The following CCSER1 variants were observed in gnomAD, a reference collection of about 807,000 sequenced individuals.
The protein encoded by CCSER1 is coiled-coil serine rich protein 1.
Under a neutral mutation model 82.0 loss-of-function variants are expected in CCSER1, and 41 were observed. The ratio of observed to expected loss-of-function variants is 0.50; its 90% confidence interval spans 0.39 to 0.65. The LOEUF (loss-of-function observed/expected upper bound fraction) is 0.65. Among genes scored for constraint, CCSER1 ranks in the 30% least tolerant of loss-of-function variants. The probability of loss-of-function intolerance (pLI) is 0.00; values close to 1 mark genes in which losing one functional copy is unlikely to be tolerated. For synonymous variants in CCSER1, 414 were observed against 383.9 expected (o/e 1.08, Z -0.92); for missense variants, 1,119 against 1,064.2 (o/e 1.05, Z -0.72).
At chr4:90,156,829 T>C (rs1728302570) in intron 1 of CCSER1, among the ~76,000 whole-genome samples, 1 of 152,202 alleles carries the variant, frequency 6.6e-6, no homozygotes, top group Non-Finnish European at 1.5e-5. Flanking sequence ...CTTTATCCAA[T>C]TTGCCAGTCT....
At chr4:90,249,272 T>C (rs927270868) in intron 1 of CCSER1, among the ~76,000 whole-genome samples, 3 of 152,174 alleles carry the variant, frequency 2.0e-5, no homozygotes, top group Admixed American at 2.0e-4. Flanking sequence ...AGATTACTAA[T>C]TTTGTCAATG....
intron 9 of CCSER1, among the ~76,000 whole-genome samples, chr4:91,055,210 C>T (rs1743338534): frequency 6.6e-6 from 1 of 151,978 alleles, no homozygotes; most frequent in South Asian, 2.1e-4. Context: ...GTATTTTAAA[C>T]TTATAAAACT....
intron 10 of CCSER1, among the ~76,000 whole-genome samples, chr4:91,383,451 C>A (rs188123625): frequency 1.8e-3 from 268 of 151,922 alleles, no homozygotes; most frequent in Non-Finnish European, 2.9e-3. Flanking sequence ...AAACAGTACT[C>A]CTTTAAAGCC....
intron 10 of CCSER1, among the ~76,000 whole-genome samples, chr4:91,131,568 A>G (rs1727997946): frequency 6.6e-6 from 1 of 152,096 alleles, no homozygotes. Flanking sequence ...GTGTAAAACT[A>G]ATTTCAGATA....
chr4:91,563,974 A>G (rs1286876335), intron 10 of CCSER1, among the ~76,000 whole-genome samples: 2 of 151,724 alleles, frequency 1.3e-5, no homozygotes, highest in Non-Finnish European at 2.9e-5. Context: ...TATAAATATA[A>G]TTTCATCACT....
chr4:90,266,326 A>G (rs532173433), intron 1 of CCSER1, among the ~76,000 whole-genome samples: 10 of 152,284 alleles, frequency 6.6e-5, no homozygotes, highest in African/African-American at 2.4e-4. Context: ...AAGAAAACTC[A>G]TGAAATGTTT....
chr4:91,082,202 G>T (rs967692778), intron 9 of CCSER1, among the ~76,000 whole-genome samples: 1 of 152,128 alleles, frequency 6.6e-6, no homozygotes, highest in Admixed American at 6.6e-5. Context: ...GCATGGTACT[G>T]GTACCAAAAC....
intron 10 of CCSER1, among the ~76,000 whole-genome samples, chr4:91,332,177 ATGT>A (rs1747004256): frequency 1.3e-5 from 2 of 152,038 alleles, no homozygotes; most frequent in South Asian, 2.1e-4. Context: ...TTCAGATTCA[ATGT>A]TGTTATTTTA....
chr4:91,069,504 C>G (rs905148689), intron 9 of CCSER1, among the ~76,000 whole-genome samples: 10 of 152,038 alleles, frequency 6.6e-5, no homozygotes, highest in Non-Finnish European at 1.3e-4. Flanking sequence ...AGTTTAGTAT[C>G]TACTAAGTGC....
chr4:90,175,195 AC>A (rs555903352), intron 1 of CCSER1, among the ~76,000 whole-genome samples: 118 of 152,120 alleles, frequency 7.8e-4, no homozygotes, highest in Non-Finnish European at 1.4e-3. Flanking sequence ...AGCCACTGAT[AC>A]AGGCTACAAC....
At chr4:90,389,384 A>G (rs1750604469) in intron 3 of CCSER1, among the ~76,000 whole-genome samples, 1 of 152,220 alleles carries the variant, frequency 6.6e-6, no homozygotes, top group African/African-American at 2.4e-5. Flanking sequence ...TCTGTATTAC[A>G]TATGAGTGCT....
chr4:90,387,268 C>A (rs1488639291), intron 3 of CCSER1, among the ~76,000 whole-genome samples: 2 of 151,880 alleles, frequency 1.3e-5, no homozygotes, highest in Non-Finnish European at 2.9e-5. Flanking sequence ...TCCTTACCTG[C>A]AGATATGGCT....
At chr4:91,424,150 G>A (rs1753838615) in intron 10 of CCSER1, among the ~76,000 whole-genome samples, 1 of 151,040 alleles carries the variant, frequency 6.6e-6, no homozygotes. Context: ...CCGAGTAGCT[G>A]GGACTACAGG....
intron 10 of CCSER1, among the ~76,000 whole-genome samples, chr4:91,134,889 A>G (rs2189188): frequency 0.74 from 111,770 of 151,762 alleles, 41,353 homozygotes; most frequent in Non-Finnish European, 0.78. Flanking sequence ...GTGAAACCCC[A>G]TCTCTACTAA....
chr4:90,616,317 A>G (rs561943245), intron 5 of CCSER1, among the ~76,000 whole-genome samples: 1 of 152,176 alleles, frequency 6.6e-6, no homozygotes, highest in African/African-American at 2.4e-5. Flanking sequence ...ACTTTTTTTT[A>G]ATAAAGTAGT....
intron 10 of CCSER1, among the ~76,000 whole-genome samples, chr4:91,363,371 G>T (rs1403180680): frequency 6.6e-6 from 1 of 151,162 alleles, no homozygotes; most frequent in African/African-American, 2.4e-5. Context: ...GTGTGTGTGT[G>T]TGTGTGTGTG....
chr4:91,417,665 G>C (rs1433989666), intron 10 of CCSER1, among the ~76,000 whole-genome samples: 1 of 151,720 alleles, frequency 6.6e-6, no homozygotes, highest in African/African-American at 2.4e-5. Context: ...TACATGTTTA[G>C]GAACAACACA....
At chr4:91,440,294 A>G (rs181051863) in intron 10 of CCSER1, among the ~76,000 whole-genome samples, 2,018 of 152,192 alleles carry the variant, frequency 0.013, 49 homozygotes, top group African/African-American at 0.046. Flanking sequence ...TCAAACTAGA[A>G]CTGAGGATTA....
At chr4:91,203,535 G>A (rs73836874) in intron 10 of CCSER1, among the ~76,000 whole-genome samples, 3,966 of 151,778 alleles carry the variant, frequency 0.026, 177 homozygotes, top group African/African-American at 0.091. Flanking sequence ...ACATGTGTCT[G>A]TATGTGTATA....
Sources: allele counts gnomAD v4.1 joint callset (sites outside exome capture counted in the v4.1 genomes callset), GRCh38; gene constraint gnomAD v4.1.1; transcripts MANE v1.5; gene names NCBI Gene and HGNC (gene_info 2026-07-23, HGNC 2026-07-21).